Variants in IFT57 observed in about 807,000 individuals in gnomAD.
The protein encoded by IFT57 is intraflagellar transport protein 57 homolog.
IFT57 carries 59 observed loss-of-function variants against 56.8 expected under a neutral mutation model. The observed-to-expected ratio is 1.04, with a 90% CI of 0.84 to 1.29. IFT57 has a LOEUF of 1.29. IFT57 is among the 50% of genes most tolerant of loss of function. The pLI is 0.00. For missense variants in IFT57, 470 were observed against 522.1 expected, an observed-to-expected ratio of 0.90 and a Z score of 0.97; for synonymous variants, 209 against 186.1, an observed-to-expected ratio of 1.12 and a Z score of -1.00.
chr3:108,221,611 A>G (rs1289750), intron 1 of IFT57, among the ~76,000 whole-genome samples: 118,824 of 152,128 alleles, frequency 0.78, 47,397 homozygotes, highest in Non-Finnish European at 0.86. Context: ...CCTTAACAGG[A>G]TCCTAAGTAC....
rs572804916 is a variant in IFT57 at position 108,213,400 on chromosome 3, T to C, written c.585+531A>G. Among the ~76,000 whole-genome samples the C allele has an allele frequency of 3.3e-5, 5 of 152,322 alleles. No individual in the cohort carries two copies. In the South Asian group the frequency reaches 1.0e-3, roughly 32 times the overall value. On this transcript the variant is annotated intron_variant, in intron 4 of 10. Transcript: ENST00000264538. ...TGAGAATTATCTTGAGAAAAAGTTA[T>C]TTTGTCTCTGTCATCTTTAGCTGCA...
At chr3:108,196,253 A>G (rs1367748176) in intron 5 of IFT57, among the ~76,000 whole-genome samples, 2 of 152,046 alleles carry the variant, frequency 1.3e-5, no homozygotes, top group African/African-American at 4.8e-5. Flanking sequence ...TCCAACCCTC[A>G]TTTCCACCCT....
In IFT57 at chr3:108,166,910, T is replaced by A; in HGVS notation, c.925A>T (p.Asn309Tyr). The change falls in exon 8 of 11, where the codon AAT becomes TAT. Residue 309 changes from asparagine to tyrosine, a missense_variant. Physicochemically the swap from Asn to Tyr is moderately radical, Grantham distance 143. Transcript: ENST00000264538. The stretch of plus-strand genomic sequence containing the variant: ...TCTTGAACCAAATTCTCAAGCTGAT[T>A]GTTGATGTACTTTTCTCGGCTGCTG... ...KISSREKYINNQLENLVQEYR... is the reference protein window; with the variant it reads ...KISSREKYINYQLENLVQEYR... 6.2e-7 allele frequency: 1 copy of A among 1,611,822 alleles called. No homozygotes were observed. Among genetic ancestry groups the A allele is most frequent in the Non-Finnish European group, 8.5e-7 (1 of 1,178,620 alleles).
At chr3:108,199,949 G>A (rs1379150027) in intron 5 of IFT57, among the ~76,000 whole-genome samples, 1 of 152,164 alleles carries the variant, frequency 6.6e-6, no homozygotes, top group Non-Finnish European at 1.5e-5. Flanking sequence ...AGCATTGGAT[G>A]GGAGCAGATA....
chr3:108,208,248 T>G (rs1408024773), intron 4 of IFT57, among the ~76,000 whole-genome samples: 1 of 152,182 alleles, frequency 6.6e-6, no homozygotes, highest in Non-Finnish European at 1.5e-5. Flanking sequence ...CTTTATATCT[T>G]AAAACTGAAG....
chr3:108,213,233 C>G (rs1560127232), intron 4 of IFT57, among the ~76,000 whole-genome samples: 1 of 152,138 alleles, frequency 6.6e-6, no homozygotes, highest in East Asian at 1.9e-4. Flanking sequence ...GGATATTCAA[C>G]TGTGTGGGGG....
At position 108,191,459 on chromosome 3, in the gene IFT57, A is replaced by C. The variant is rs554910484; in HGVS notation, c.777+62T>G. ...AATTTTTATAATTGGGAGTACCCCTAACCCTGAAGTTTCCTTATAACTTTT... is the reference window on the plus strand; with the variant it reads ...AATTTTTATAATTGGGAGTACCCCTCACCCTGAAGTTTCCTTATAACTTTT... On this transcript the variant is annotated intron_variant, in intron 6 of 10. Transcript: ENST00000264538. 268 of 1,248,966 alleles carry C rather than the reference A, an allele frequency of 2.1e-4. 1 individual carries two copies. Among genetic ancestry groups the C allele is most frequent in the Non-Finnish European group, 2.7e-4 (245 of 906,154 alleles). 77.4% of individuals were successfully genotyped at this position (1,248,966 alleles called of 1,614,324 possible). A position where few individuals can be genotyped will look rare whatever the true frequency, so the allele number is the denominator to read the frequency against.
At chr3:108,207,508 T>C (rs1018843063) in intron 4 of IFT57, among the ~76,000 whole-genome samples, 1 of 152,172 alleles carries the variant, frequency 6.6e-6, no homozygotes, top group African/African-American at 2.4e-5. Context: ...ATAAAGCCAA[T>C]GGAACTGGGT....
intron 3 of IFT57, 28 bp from the exon 4 acceptor site, chr3:108,214,049 G>A: frequency 1.5e-6 from 2 of 1,329,732 alleles, no homozygotes; most frequent in South Asian, 1.2e-5. Context: ...AACATGAGGT[G>A]ATAATTTTAA....
In IFT57 at chr3:108,219,463, A is replaced by G. The variant is rs1406828664; in HGVS notation, c.322T>C (p.Tyr108His). 7 of 1,613,946 alleles carry G rather than the reference A, an allele frequency of 4.3e-6. No homozygotes were observed. The highest frequency in any genetic ancestry group is 2.2e-5 in the East Asian group (1 of 44,872). The change falls in exon 2 of 11, where the codon TAT becomes CAT. Residue 108 changes from tyrosine (Y) to histidine (H), a missense_variant. Tyr to His is a moderately conservative substitution (Grantham distance 83). Transcript: ENST00000264538. Reference sequence around the variant, plus strand: ...GATATTGTTGCATTAGGGTCATCATATTCTTGAGGCTGCTCAAAGGGACGT... The same window carrying G: ...GATATTGTTGCATTAGGGTCATCATGTTCTTGAGGCTGCTCAAAGGGACGT... ...AGRPFEQPQE[Y>H]DDPNATISNI...
intron 5 of IFT57, 134 bp downstream of exon 5, chr3:108,206,494 G>A: frequency 2.8e-6 from 1 of 362,842 alleles, no homozygotes; most frequent in Non-Finnish European, 5.1e-6. Context: ...TTATATATAG[G>A]AAAGCAATTT....
At position 108,218,535 on chromosome 3, in the gene IFT57, C is replaced by T. The variant is rs756591103; in HGVS notation, c.494G>A (p.Arg165Lys). 3 of 1,476,232 alleles carry T rather than the reference C, an allele frequency of 2.0e-6. No individual in the cohort carries two copies. Among genetic ancestry groups the T allele is most frequent in the Non-Finnish European group, 1.8e-6 (2 of 1,090,444 alleles). The allele number at this position is 1,476,232 out of a possible 1,614,324, so 91.4% of individuals were successfully genotyped here. The change falls in exon 3 of 11, where the codon AGG becomes AAG. Residue 165 changes from arginine (R) to lysine (K), a missense_variant and splice_region_variant. Physicochemically the swap from Arg to Lys is conservative, Grantham distance 26. Transcript: ENST00000264538. Reference sequence around the variant, plus strand: ...TATCATCAGGGTGGGTAATTTTTACCTTTTCCAGGTGAAACCAATATATTT... The same window carrying T: ...TATCATCAGGGTGGGTAATTTTTACTTTTTCCAGGTGAAACCAATATATTT... Reference protein sequence around the residue: ...ALKYIGFTWKRPIYPVEELEE... With the variant: ...ALKYIGFTWKKPIYPVEELEE...
At chr3:108,205,909 TTAATATATATTATTTA>T (rs2080307799) in intron 5 of IFT57, among the ~76,000 whole-genome samples, 1 of 129,852 alleles carries the variant, frequency 7.7e-6, no homozygotes, top group African/African-American at 2.9e-5. Flanking sequence ...TAATTATATA[TTAATATATATTATTTA>T]TAATATATAA....
chr3:108,189,117 C>T (rs2080200978), intron 6 of IFT57, among the ~76,000 whole-genome samples: 1 of 152,072 alleles, frequency 6.6e-6, no homozygotes. Context: ...TGAAGACTTC[C>T]AGAAGATTTT....
chr3:108,179,720 A>G (rs1459450713), intron 6 of IFT57, among the ~76,000 whole-genome samples: 1 of 152,052 alleles, frequency 6.6e-6, no homozygotes, highest in Non-Finnish European at 1.5e-5. Flanking sequence ...ATGAGATTGA[A>G]TAACTTTTCT....
chr3:108,175,913 T>A (rs148555437), intron 6 of IFT57, among the ~76,000 whole-genome samples: 3 of 151,800 alleles, frequency 2.0e-5, no homozygotes, highest in African/African-American at 7.3e-5. Context: ...CTTTTTTCTA[T>A]GCTCAGAAAA....
intron 5 of IFT57, among the ~76,000 whole-genome samples, chr3:108,203,449 C>G (rs1172993538): frequency 1.3e-5 from 2 of 152,088 alleles, no homozygotes; most frequent in Non-Finnish European, 2.9e-5. Context: ...TATCATGATA[C>G]TTAAAGAGCA....
chr3:108,193,383 T>C (rs1044474689), intron 5 of IFT57, among the ~76,000 whole-genome samples: 1 of 152,212 alleles, frequency 6.6e-6, no homozygotes, highest in Admixed American at 6.5e-5. Flanking sequence ...TACTGCTTTT[T>C]GTTCAGATTC....
chr3:108,196,730 AG>A (rs2080246508), intron 5 of IFT57, among the ~76,000 whole-genome samples: 1 of 152,206 alleles, frequency 6.6e-6, no homozygotes, highest in Admixed American at 6.5e-5. Context: ...CCAGTTGCTA[AG>A]TGAATAAAGG....
Sources: allele counts gnomAD v4.1 joint callset (sites outside exome capture counted in the v4.1 genomes callset), GRCh38; gene constraint gnomAD v4.1.1; transcripts MANE v1.5; gene names NCBI Gene and HGNC (gene_info 2026-07-23, HGNC 2026-07-21).